BOD1L1: variants seen among roughly 807,000 people sequenced by gnomAD.
The protein encoded by BOD1L1 is biorientation of chromosomes in cell division 1 like 1, also known as biorientation of chromosomes in cell division protein 1-like 1.
BOD1L1 carries 86 observed loss-of-function variants against 240.7 expected under a neutral mutation model. The observed-to-expected ratio is 0.36, with a 90% CI of 0.30 to 0.43. The LOEUF is 0.43. Ranked by LOEUF, BOD1L1 falls within the 20% of genes least tolerant of loss-of-function variation. The probability of loss-of-function intolerance (pLI) is 1.00; values close to 1 mark genes in which losing one functional copy is unlikely to be tolerated. For synonymous variants in BOD1L1, 1,268 were observed against 1,272.3 expected (o/e 1.00, Z 0.07); for missense variants, 3,554 against 3,643.5 (o/e 0.98, Z 0.63).
rs749451345 is a variant in BOD1L1 at position 13,603,169 on chromosome 4, CT to C, written c.3730del (p.Ser1244ValfsTer13). On this transcript the variant is annotated frameshift_variant, in exon 10 of 26. Transcript: ENST00000040738. LOFTEE classifies it high-confidence loss of function. ...DSETVHRMLL[S>X]APSENDRVQK... Reference sequence around the variant, plus strand: ...TACCCTATCATTTTCTGATGGGGCACTCAGTAACATTCTATGAACAGTTTCA... The same window carrying C: ...TACCCTATCATTTTCTGATGGGGCACCAGTAACATTCTATGAACAGTTTCA... 9.9e-6 allele frequency: 16 copies of C among 1,613,928 alleles called. No homozygotes were observed. In the Admixed American group the frequency reaches 2.5e-4, roughly 25 times the overall value.
rs1396670508 is a variant in BOD1L1, at chr4:13,600,736, A to T, written c.6164T>A (p.Ile2055Asn). 6.2e-7 allele frequency: 1 copy of T among 1,613,818 alleles called. No homozygotes were observed. Among genetic ancestry groups the T allele is most frequent in the Non-Finnish European group, 8.5e-7 (1 of 1,179,868 alleles). ...CCCTGCTAAGCTATTCTGGTTGGTA[A>T]TATCACCACTGGCTGTAGTTGCCAT... ...GLMATTASGD[I>N]TNQNSLAGGK... The change falls in exon 10 of 26, where the codon ATT (isoleucine) becomes AAT (asparagine). Residue 2055 changes from isoleucine (I) to asparagine (N), a missense_variant. Ile to Asn is a moderately radical substitution (Grantham distance 149). Around this residue, in one of 2 missense-constraint regions of BOD1L1, gnomAD observed 3,393 missense variants for 3,427.1 expected, o/e 0.99. Coordinates refer to ENST00000040738, the MANE Select transcript of BOD1L1 (RefSeq NM_148894.3).
chr4:13,591,285 T>C (rs1714190499), intron 13 of BOD1L1, among the ~76,000 whole-genome samples: 1 of 152,116 alleles, frequency 6.6e-6, no homozygotes, highest in African/African-American at 2.4e-5. Context: ...GCATATGGTG[T>C]ATGAGTTTCT....
Position 13,604,197 on chromosome 4 carries a change from C to A in BOD1L1, c.2703G>T (p.Lys901Asn). The A allele has an allele frequency of 6.2e-7, 1 of 1,613,526 alleles. No homozygotes were observed. The highest frequency in any genetic ancestry group is 8.5e-7 in the Non-Finnish European group (1 of 1,179,762). ...ACACAAGTTTCTCTTCTAACAAGCT[C>A]TTTGTTCGTCGTTTCTCCTTGTGAA... ...EVVHKEKRRT[K>N]SLLEEKLVLK... is the part of the protein sequence containing the mutation. The change falls in exon 10 of 26, where the codon AAG becomes AAT. Residue 901 changes from lysine to asparagine, a missense_variant. This residue lies in a region of BOD1L1 where 3,393 missense variants were observed against 3,427.1 expected (regional missense o/e 0.99). Coordinates refer to ENST00000040738, the MANE Select transcript of BOD1L1 (RefSeq NM_148894.3).
chr4:13,581,305 T>C (rs1209625438), intron 19 of BOD1L1, 98 bp from the exon 20 acceptor site: 2 of 813,282 alleles, frequency 2.5e-6, no homozygotes, highest in Non-Finnish European at 3.8e-6. Context: ...AGTTCCTGTC[T>C]AAGAGACCTC....
chr4:13,580,399 C>T (rs372507537), intron 21 of BOD1L1, among the ~76,000 whole-genome samples: 2 of 152,178 alleles, frequency 1.3e-5, no homozygotes, highest in Admixed American at 1.3e-4. Flanking sequence ...CCCTAAGTCA[C>T]AGGTCTCGGG....
In BOD1L1 at chr4:13,600,607, G is replaced by A. The variant is rs146514917; in HGVS notation, c.6293C>T (p.Ala2098Val). 6.8e-4 allele frequency: 1,103 copies of A among 1,613,686 alleles called. 2 individuals carry two copies. Among genetic ancestry groups the A allele is most frequent in the Non-Finnish European group, 7.9e-4 (927 of 1,179,804 alleles). Reference protein sequence around the residue: ...ITDVEGGLSDALRTEENMEGT... With the variant: ...ITDVEGGLSDVLRTEENMEGT... ...TTCCATATTTTCTTCAGTTCTCAGA[G>A]CATCTGAGAGACCTCCTTCCACATC... The change falls in exon 10 of 26, where the codon GCT becomes GTT. Residue 2098 changes from alanine (A) to valine (V), a missense_variant. By Grantham distance (64) the Ala-to-Val change is moderately conservative (BLOSUM62 0). Coordinates refer to ENST00000040738, the MANE Select transcript of BOD1L1 (RefSeq NM_148894.3).
chr4:13,569,798 T>C lies in BOD1L1; in HGVS notation c.*213A>G. 2.8e-6 allele frequency: 1 copy of C among 356,404 alleles called. No individual in the cohort carries two copies. Among genetic ancestry groups the C allele is most frequent in the Non-Finnish European group, 5.0e-6 (1 of 199,962 alleles). The allele number at this position is 356,404 out of a possible 1,614,324, so 22.1% of individuals were successfully genotyped here. ...TTTGAGTTCAGATACAAAGTAAACT[T>C]ATTGTCCTTTATCTGAAATAAATGT... On this transcript the variant is annotated 3_prime_UTR_variant, in exon 26 of 26. Coordinates refer to ENST00000040738, the MANE Select transcript of BOD1L1 (RefSeq NM_148894.3).
intron 6 of BOD1L1, among the ~76,000 whole-genome samples, chr4:13,610,245 A>C (rs1299463426): frequency 1.3e-5 from 2 of 152,238 alleles, no homozygotes; most frequent in Non-Finnish European, 2.9e-5. Flanking sequence ...TCAGTGGTAC[A>C]TTTTATAATT....
In BOD1L1 at chr4:13,599,311, T is replaced by C. The variant is rs775185083; in HGVS notation, c.7589A>G (p.Asn2530Ser). 6.2e-7 allele frequency: 1 copy of C among 1,613,774 alleles called. No individual in the cohort carries two copies. Among genetic ancestry groups the C allele is most frequent in the East Asian group, 2.2e-5 (1 of 44,886 alleles). Reference sequence around the variant, plus strand: ...GTCATCAGCTTTTATAGCACCGGTGTTTACTGCTGCCAAATAGCGAATGCT... The same window carrying C: ...GTCATCAGCTTTTATAGCACCGGTGCTTACTGCTGCCAAATAGCGAATGCT... Reference protein sequence around the residue: ...SVSIRYLAAVNTGAIKADDMP... With the variant: ...SVSIRYLAAVSTGAIKADDMP... The change falls in exon 10 of 26, where the codon AAC becomes AGC. Residue 2530 changes from asparagine to serine, a missense_variant. Transcript: ENST00000040738.
rs1020263274 is a variant in BOD1L1 at position 13,604,104 on chromosome 4, G to A, written c.2796C>T (p.Ala932=). 6 of 1,613,662 alleles carry A rather than the reference G, an allele frequency of 3.7e-6. No homozygotes were observed. Among genetic ancestry groups the A allele is most frequent in the African/African-American group, 1.3e-5 (1 of 75,028 alleles). Residue 932 remains alanine (A), a synonymous_variant, in exon 10 of 26, where the codon GCC becomes GCT. Coordinates refer to ENST00000040738, the MANE Select transcript of BOD1L1 (RefSeq NM_148894.3). ...GTTTTGGAGTGGTTGCCTGTTTTGT[G>A]GCACCTTCTTGTAATTCTGTTTCTA... ...KVVETELQEG[A]TKQATTPKPD...
chr4:13,616,159 C>T (rs1041768824), intron 2 of BOD1L1, among the ~76,000 whole-genome samples: 1 of 152,170 alleles, frequency 6.6e-6, no homozygotes, highest in African/African-American at 2.4e-5. Context: ...CTGACAGCTA[C>T]AAATTGACCT....
At chr4:13,615,163 T>C (rs931521228) in intron 3 of BOD1L1, 149 bp downstream of exon 3, 40 of 792,774 alleles carry the variant, frequency 5.0e-5, no homozygotes, top group Non-Finnish European at 5.3e-5. Flanking sequence ...CGAAATGTTA[T>C]GGCAATTGAG....
At chr4:13,592,916 T>A (rs952966264) in intron 12 of BOD1L1, 1 of 152,242 alleles carries the variant, frequency 6.6e-6, no homozygotes, top group African/African-American at 2.4e-5. Flanking sequence ...ACTTAATGCA[T>A]ACCTACTCAT....
chr4:13,587,473 C>T (rs1035186820), intron 16 of BOD1L1, among the ~76,000 whole-genome samples: 9 of 152,148 alleles, frequency 5.9e-5, no homozygotes, highest in African/African-American at 2.2e-4. Flanking sequence ...CTGTCTTTGT[C>T]TGAGATCCAG....
At position 13,599,388 on chromosome 4, in the gene BOD1L1, G is replaced by A; in HGVS notation, c.7512C>T (p.His2504=). 1 of 1,614,010 alleles carries A rather than the reference G, an allele frequency of 6.2e-7. No homozygotes were observed. Among genetic ancestry groups the A allele is most frequent in the Non-Finnish European group, 8.5e-7 (1 of 1,179,896 alleles). The change falls in exon 10 of 26, where the codon CAC becomes CAT. Residue 2504 remains histidine (H), a synonymous_variant. Transcript: ENST00000040738. ...GLEGNANSPA[H]LRGPEQTSGQ... is the part of the protein sequence containing the mutation. ...CAGACGTCTGTTCTGGTCCTCTCAG[G>A]TGGGCAGGTGAGTTAGCATTCCCCT...
intron 13 of BOD1L1, 24 bp from the exon 14 acceptor site, chr4:13,590,470 T>A: frequency 8.0e-7 from 1 of 1,243,962 alleles, no homozygotes. Context: ...ATAAAAGATA[T>A]TTATGGATAG....
intron 21 of BOD1L1, among the ~76,000 whole-genome samples, chr4:13,580,473 T>A (rs1713137173): frequency 3.3e-5 from 5 of 152,192 alleles, no homozygotes; most frequent in Admixed American, 3.3e-4. Context: ...CACACGTCTG[T>A]CCTCCTTACA....
chr4:13,603,090 G>A lies in BOD1L1; in HGVS notation c.3810C>T (p.Ala1270=). The change falls in exon 10 of 26, where the codon GCC becomes GCT. Residue 1270 remains alanine, a synonymous_variant. Transcript: ENST00000040738. The stretch of plus-strand genomic sequence containing the variant: ...CTAAATTTGTGGAATGTTCAAGAGT[G>A]GCATCTCCTTGAGCAACATGTTCTT... ...AAEEHVAQGD[A]TLEHSTNLDS... is the part of the protein sequence containing the mutation. The A allele has an allele frequency of 6.2e-7, 1 of 1,613,892 alleles. No individual in the cohort carries two copies. The highest frequency in any genetic ancestry group is 8.5e-7 in the Non-Finnish European group (1 of 1,179,816).
chr4:13,602,660 T>A lies in BOD1L1; in HGVS notation c.4240A>T (p.Asn1414Tyr), dbSNP rs1333306704. 1.2e-6 allele frequency: 2 copies of A among 1,614,048 alleles called. No homozygotes were observed. Among genetic ancestry groups the A allele is most frequent in the South Asian group, 2.2e-5 (2 of 91,088 alleles). ...GGLVDMAKKE[N>Y]DLNAEPNLKQ... ...AAATTGGGCTCTGCATTTAAGTCAT[T>A]TTCTTTCTTGGCCATGTCCACTAAG... Residue 1414 changes from asparagine (N) to tyrosine (Y), a missense_variant, in exon 10 of 26, where the codon AAT (asparagine) becomes TAT (tyrosine). By Grantham distance (143) the Asn-to-Tyr change is moderately radical (BLOSUM62 -2). Coordinates refer to ENST00000040738, the MANE Select transcript of BOD1L1 (RefSeq NM_148894.3).
Sources: gnomAD v4.1 joint callset for allele counts (sites outside exome capture counted in the v4.1 genomes callset) on GRCh38, gnomAD v4.1.1 for gene constraint, gnomAD v4.1.1 regional missense constraint, MANE v1.5 for transcripts, NCBI Gene and HGNC (gene_info 2026-07-23, HGNC 2026-07-21) for gene names.